MDM1: variants seen among roughly 807,000 people sequenced by gnomAD.
MDM1 encodes the protein stabilizer of axonemal microtubules 6.
A neutral mutation model predicts 89.1 loss-of-function variants in MDM1; 61 were observed. The ratio of observed to expected loss-of-function variants is 0.68; its 90% CI spans 0.56 to 0.85. The LOEUF is 0.85. Among genes scored for constraint, MDM1 ranks in the 40% least tolerant of loss-of-function variants. The probability of loss-of-function intolerance (pLI) is 0.00; values close to 1 mark genes in which losing one functional copy is unlikely to be tolerated. For missense variants in MDM1, 820 were observed against 846.5 expected (o/e 0.97, Z 0.39); for synonymous variants, 290 against 294.1 (o/e 0.99, Z 0.14).
intron 12 of MDM1, among the ~76,000 whole-genome samples, chr12:68,313,077 G>C (rs1873915594): frequency 6.6e-6 from 1 of 152,038 alleles, no homozygotes; most frequent in African/African-American, 2.4e-5. Context: ...TCCTCCACTA[G>C]AATGTAAGTT....
rs1871163877 is a variant in MDM1, at chr12:68,294,779, T to C, written c.*475A>G. Reference sequence around the variant, plus strand: ...AGCTGGTGTTTTCAAAGTACAATTATCTTAACACTGCAAACATGTATAGAA... The same window carrying C: ...AGCTGGTGTTTTCAAAGTACAATTACCTTAACACTGCAAACATGTATAGAA... On this transcript the variant is annotated 3_prime_UTR_variant, in exon 15 of 15. Coordinates refer to ENST00000682720, the MANE Select transcript of MDM1 (RefSeq NM_001354969.2). 1 of 152,206 alleles carries C rather than the reference T, an allele frequency of 6.6e-6. No individual in the cohort carries two copies. Among genetic ancestry groups the C allele is most frequent in the Non-Finnish European group, 1.5e-5 (1 of 68,056 alleles). The allele number at this position is 152,206 out of a possible 1,614,324, so 9.4% of individuals were successfully genotyped here.
chr12:68,301,181 T>C (rs141172723), intron 13 of MDM1, among the ~76,000 whole-genome samples: 28 of 152,352 alleles, frequency 1.8e-4, no homozygotes, highest in African/African-American at 5.8e-4. Context: ...TAGCATTAAA[T>C]GCCTACCTTA....
In MDM1 at chr12:68,295,359, G is replaced by C. The variant is rs1871237336; in HGVS notation, c.2070C>G (p.Asp690Glu). The change falls in exon 15 of 15, where the codon GAC (aspartate) becomes GAG (glutamate). Residue 690 changes from aspartate to glutamate, a missense_variant. Physicochemically the swap from Asp to Glu is conservative, Grantham distance 45. Coordinates refer to ENST00000682720, the MANE Select transcript of MDM1 (RefSeq NM_001354969.2). The part of the protein sequence containing the change: ...QHEAFNDEDE[D>E]RLSEISARSA... ...AGCGAGCAGAAATCTCAGACAATCTGTCCTCATCTGCAATGAAAAAATCCC... is the reference window on the plus strand; with the variant it reads ...AGCGAGCAGAAATCTCAGACAATCTCTCCTCATCTGCAATGAAAAAATCCC... 6.2e-7 allele frequency: 1 copy of C among 1,605,082 alleles called. No homozygotes were observed. Among genetic ancestry groups the C allele is most frequent in the Non-Finnish European group, 8.5e-7 (1 of 1,174,734 alleles).
At chr12:68,323,906 C>A (rs1447678554) in intron 4 of MDM1, among the ~76,000 whole-genome samples, 1 of 152,088 alleles carries the variant, frequency 6.6e-6, no homozygotes, top group Non-Finnish European at 1.5e-5. Context: ...TACAGTATAA[C>A]CTCAAGGACT....
At chr12:68,302,488 G>C in intron 13 of MDM1, 132 bp downstream of exon 13, 1 of 862,562 alleles carries the variant, frequency 1.2e-6, no homozygotes, top group Non-Finnish European at 1.7e-6. Context: ...CCTATTTAAA[G>C]AAATTTTATT....
At chr12:68,322,423 A>G (rs1875350367) in intron 5 of MDM1, among the ~76,000 whole-genome samples, 1 of 152,202 alleles carries the variant, frequency 6.6e-6, no homozygotes, top group Non-Finnish European at 1.5e-5. Flanking sequence ...ACCTGAGGCT[A>G]GTAGTTCGAG....
At chr12:68,330,222 G>A (rs1329978092) in intron 2 of MDM1, among the ~76,000 whole-genome samples, 2 of 152,134 alleles carry the variant, frequency 1.3e-5, no homozygotes, top group South Asian at 2.1e-4. Context: ...CCACAGTTAA[G>A]GGACTTTGGT....
rs1163871575 is a variant in MDM1, at chr12:68,316,248, T to C, written c.1041A>G (p.Lys347=). The C allele has an allele frequency of 1.9e-6, 3 of 1,612,842 alleles. No individual in the cohort carries two copies. Among genetic ancestry groups the C allele is most frequent in the Non-Finnish European group, 2.5e-6 (3 of 1,179,422 alleles). ...SLNAMWYAEV[K]ELREKAEFYR... is the part of the protein sequence containing the mutation. ...AAAACTCAGCCTTTTCTCGGAGTTC[T>C]TTAACCTATTCAGGAGAGTTCAGAC... The change falls in exon 9 of 15, where the codon AAA becomes AAG. Residue 347 remains lysine (K), a synonymous_variant. Coordinates refer to ENST00000682720, the MANE Select transcript of MDM1 (RefSeq NM_001354969.2).
At chr12:68,300,354 G>A (rs1012389100) in intron 13 of MDM1, among the ~76,000 whole-genome samples, 3 of 152,108 alleles carry the variant, frequency 2.0e-5, no homozygotes, top group South Asian at 2.1e-4. Context: ...AACATTGAAC[G>A]TAAATGGCCT....
At chr12:68,329,769 T>C (rs1046955745) in intron 2 of MDM1, among the ~76,000 whole-genome samples, 1 of 152,170 alleles carries the variant, frequency 6.6e-6, no homozygotes, top group Admixed American at 6.5e-5. Flanking sequence ...TAAGCAGGTA[T>C]AATGAGGTCA....
At chr12:68,325,950 C>A in intron 3 of MDM1, 2 of 995,592 alleles carry the variant, frequency 2.0e-6, no homozygotes, top group Non-Finnish European at 2.4e-6. Flanking sequence ...CTGCCAGACT[C>A]ACACATCACC....
intron 4 of MDM1, among the ~76,000 whole-genome samples, chr12:68,324,323 G>GT (rs1875654443): frequency 6.6e-6 from 1 of 152,020 alleles, no homozygotes. Flanking sequence ...TTTTCAGGTT[G>GT]TAAGTAATGT....
intron 7 of MDM1, among the ~76,000 whole-genome samples, chr12:68,319,139 G>C (rs1393375819): frequency 2.6e-5 from 4 of 152,162 alleles, no homozygotes. Flanking sequence ...TTATTCTGAG[G>C]ATAGAACCTA....
intron 7 of MDM1, among the ~76,000 whole-genome samples, chr12:68,317,594 A>T (rs1375212120): frequency 6.6e-6 from 1 of 152,186 alleles, no homozygotes; most frequent in African/African-American, 2.4e-5. Flanking sequence ...ACTCTAATGA[A>T]CCATACCTGA....
chr12:68,317,480 G>A (rs1013990545), intron 7 of MDM1, among the ~76,000 whole-genome samples: 4 of 151,896 alleles, frequency 2.6e-5, no homozygotes, highest in Non-Finnish European at 5.9e-5. Flanking sequence ...AACAAGGTAC[G>A]ATTTTGAATG....
At chr12:68,307,096 A>G (rs1231095303) in intron 12 of MDM1, among the ~76,000 whole-genome samples, 2 of 152,256 alleles carry the variant, frequency 1.3e-5, no homozygotes, top group Non-Finnish European at 1.5e-5. Context: ...ACAGAAACAT[A>G]AAGTCAAATA....
intron 2 of MDM1, among the ~76,000 whole-genome samples, chr12:68,328,073 T>G (rs1206122514): frequency 6.6e-6 from 1 of 152,114 alleles, no homozygotes; most frequent in East Asian, 1.9e-4. Context: ...AAGACACACC[T>G]CTTAACCAGC....
At chr12:68,322,997 G>T in intron 5 of MDM1, 76 bp downstream of exon 5, 2 of 1,415,968 alleles carry the variant, frequency 1.4e-6, no homozygotes, top group Non-Finnish European at 1.9e-6. Flanking sequence ...CTCCCAGGTG[G>T]TAGTAAGTAA....
At chr12:68,321,875 T>A (rs184981370) in intron 5 of MDM1, among the ~76,000 whole-genome samples, 110 of 152,334 alleles carry the variant, frequency 7.2e-4, no homozygotes, top group African/African-American at 2.4e-3. Context: ...AGATTTTAGA[T>A]CTTTGGCTAA....
Sources: gnomAD v4.1 joint callset for allele counts (sites outside exome capture counted in the v4.1 genomes callset) on GRCh38, gnomAD v4.1.1 for gene constraint, MANE v1.5 for transcripts, NCBI Gene and HGNC (gene_info 2026-07-23, HGNC 2026-07-21) for gene names.